The following AWAT2 variants were observed in gnomAD, a reference collection of about 807,000 sequenced individuals.
AWAT2 encodes 11-cis-RE-synthase.
Under a neutral mutation model 22.3 loss-of-function variants are expected in AWAT2, and 9 were observed. The observed-to-expected ratio is 0.40, with a 90% CI of 0.24 to 0.70. The LOEUF (loss-of-function observed/expected upper bound fraction) is 0.70. Ranked by LOEUF, AWAT2 falls within the 30% of genes least tolerant of loss-of-function variation. The pLI, the probability that AWAT2 is intolerant of heterozygous loss-of-function variation, is 0.36. For synonymous variants in AWAT2, 100 were observed against 93.4 expected, an observed-to-expected ratio of 1.07 and a Z score of -0.40; for missense variants, 217 against 265.9, an observed-to-expected ratio of 0.82 and a Z score of 1.28.
intron 6 of AWAT2, 50 bp downstream of exon 6, chrX:70,042,137 G>A (rs753296093): frequency 4.4e-6 from 5 of 1,140,731 alleles, no homozygotes; most frequent in Admixed American, 2.4e-5. Context: ...CAGCCTCAGA[G>A]CTAGATCCTG....
Position 70,042,269 on chromosome X carries a change from G to T in AWAT2, c.765C>A (p.Ile255=). 8.3e-7 allele frequency: 1 copy of T among 1,211,518 alleles called. No individual in the cohort carries two copies. The highest frequency in any genetic ancestry group is 1.1e-6 in the Non-Finnish European group (1 of 895,133). The part of the protein sequence containing the change: ...FQKWFQSMVH[I]YPCAFYGRGF... The stretch of plus-strand genomic sequence containing the variant: ...CACGTCCATAGAAAGCACAAGGGTA[G>T]ATGTGTACCATGCTCTGGAACCACT... The change falls in exon 6 of 8, where the codon ATC becomes ATA. Residue 255 remains isoleucine (I), a synonymous_variant. Transcript: ENST00000276101.
chrX:70,049,406 T>C (rs1336709541), intron 1 of AWAT2, among the ~76,000 whole-genome samples: 2 of 111,568 alleles, frequency 1.8e-5, no homozygotes, highest in Admixed American at 1.9e-4. Flanking sequence ...TTCCTCAGGA[T>C]GAGGTTTCCA....
In AWAT2 at chrX:70,041,869, A is replaced by G. The variant is rs1326999505; in HGVS notation, c.941T>C (p.Leu314Pro). The stretch of plus-strand genomic sequence containing the variant: ...AAACTTGGTCTTATGCTGGTCAAAC[A>G]GTTTACGTAGGGCATCAATATAGAG... ...HTLYIDALRK[L>P]FDQHKTKFGI... The change falls in exon 7 of 8, where the codon CTG (leucine) becomes CCG (proline). Residue 314 changes from leucine to proline, a missense_variant. Coordinates refer to ENST00000276101, the MANE Select transcript of AWAT2 (RefSeq NM_001002254.1). The G allele has an allele frequency of 1.7e-6, 2 of 1,210,601 alleles. No individual in the cohort carries two copies. The highest frequency in any genetic ancestry group is 2.2e-6 in the Non-Finnish European group (2 of 894,571).
In AWAT2 at chrX:70,042,371, A is replaced by C. The variant is rs753594861; in HGVS notation, c.663T>G (p.Pro221=). Residue 221 remains proline, a synonymous_variant, in exon 6 of 8, where the codon CCT becomes CCG. Coordinates refer to ENST00000276101, the MANE Select transcript of AWAT2 (RefSeq NM_001002254.1). ...GGTCCGTCTCCCCAAAGGCATAGGC[A>C]GGTATTAGAGGCACCCTGCAGAGCA... ...MALQHGVPLI[P]AYAFGETDLY... 23 of 1,209,864 alleles carry C rather than the reference A, an allele frequency of 1.9e-5. No individual in the cohort carries two copies. The highest frequency in any genetic ancestry group is 2.5e-5 in the Non-Finnish European group (22 of 894,659).
In AWAT2 at chrX:70,040,883, A is replaced by G. The variant is rs151003736; in HGVS notation, c.*775T>C. 0.031 allele frequency: 3,510 copies of G among 112,178 alleles called. 60 individuals carry two copies. The highest frequency in any genetic ancestry group is 0.049 in the Non-Finnish European group (2,588 of 53,240). 9.2% of individuals were successfully genotyped at this position (112,178 alleles called of 1,213,427 possible). On this transcript the variant is annotated 3_prime_UTR_variant, in exon 8 of 8. Transcript: ENST00000276101. ...TTGCCATTCAGAAGGAGAGTTCTTT[A>G]TGGCTGCTAAAAGCCAGGCGCCTCA... is the stretch of plus-strand genomic sequence containing the variant.
chrX:70,044,256 G>A (rs2020348877), intron 2 of AWAT2, 96 bp downstream of exon 2: 2 of 1,146,909 alleles, frequency 1.7e-6, no homozygotes, highest in Non-Finnish European at 2.3e-6. Context: ...AGGCTAAAGG[G>A]CTGTCTGGGA....
intron 3 of AWAT2, 61 bp from the exon 4 acceptor site, chrX:70,043,743 A>G: frequency 1.8e-6 from 2 of 1,082,768 alleles, no homozygotes; most frequent in Non-Finnish European, 2.5e-6. Context: ...TCTTTTGGGC[A>G]GAGATCTGAA....
intron 1 of AWAT2, among the ~76,000 whole-genome samples, chrX:70,048,602 G>T (rs780430390): frequency 8.0e-5 from 9 of 112,010 alleles, no homozygotes; most frequent in Non-Finnish European, 3.8e-5. Flanking sequence ...TCATAAATGG[G>T]CAGTTAACAG....
At chrX:70,047,579 T>C (rs887443208) in intron 1 of AWAT2, among the ~76,000 whole-genome samples, 14 of 112,120 alleles carry the variant, frequency 1.2e-4, no homozygotes, top group African/African-American at 4.5e-4. Context: ...ACCAAAGACG[T>C]TGCTGAACCT....
intron 4 of AWAT2, 113 bp downstream of exon 4, chrX:70,043,365 G>C: frequency 4.1e-6 from 4 of 985,304 alleles, no homozygotes; most frequent in Non-Finnish European, 5.6e-6. Flanking sequence ...GCCTATGATA[G>C]CTGTTTCACA....
intron 1 of AWAT2, among the ~76,000 whole-genome samples, chrX:70,049,165 G>A (rs1052273931): frequency 1.4e-4 from 16 of 111,506 alleles, no homozygotes; most frequent in Non-Finnish European, 2.3e-4. Flanking sequence ...TGTGCACCAA[G>A]GCCTATCTGC....
In AWAT2 at chrX:70,043,990, C is replaced by T. The variant is rs113438860; in HGVS notation, c.203G>A (p.Arg68His). 1.7e-6 allele frequency: 2 copies of T among 1,192,744 alleles called. No individual in the cohort carries two copies. The highest frequency in any genetic ancestry group is 2.3e-6 in the Non-Finnish European group (2 of 885,641). ...CCAGTGCCTCACACAGGTAAACCGG[C>T]GGCCGCCTGAAAACAGAGGCAATGC... ...FDWKTPQRGG[R>H]RFTCVRHWRL... The change falls in exon 3 of 8, where the codon CGC becomes CAC. Residue 68 changes from arginine to histidine, a missense_variant. Transcript: ENST00000276101.
At position 70,042,245 on chromosome X, in the gene AWAT2, A is replaced by T; in HGVS notation, c.789T>A (p.Arg263=). Residue 263 remains arginine (R), a synonymous_variant, in exon 6 of 8, where the codon CGT becomes CGA. Transcript: ENST00000276101. ...VHIYPCAFYG[R]GFTKNSWGLL... ...GGCCCCAGGAGTTCTTGGTGAAGCCACGTCCATAGAAAGCACAAGGGTAGA... is the reference window on the plus strand; with the variant it reads ...GGCCCCAGGAGTTCTTGGTGAAGCCTCGTCCATAGAAAGCACAAGGGTAGA... 8.3e-7 allele frequency: 1 copy of T among 1,211,516 alleles called. No homozygotes were observed. Among genetic ancestry groups the T allele is most frequent in the South Asian group, 1.8e-5 (1 of 56,881 alleles).
At chrX:70,049,338 C>G (rs1360857151) in intron 1 of AWAT2, among the ~76,000 whole-genome samples, 1 of 112,363 alleles carries the variant, frequency 8.9e-6, no homozygotes, top group African/African-American at 3.2e-5. Context: ...ATAGAAATAA[C>G]TTTCACAAAG....
chrX:70,041,578 T>C lies in AWAT2; in HGVS notation c.*80A>G, dbSNP rs2020327909. 1 of 376,110 alleles carries C rather than the reference T, an allele frequency of 2.7e-6. No individual in the cohort carries two copies. Among genetic ancestry groups the C allele is most frequent in the Non-Finnish European group, 4.5e-6 (1 of 220,801 alleles). 31.0% of individuals were successfully genotyped at this position (376,110 alleles called of 1,213,427 possible). On this transcript the variant is annotated 3_prime_UTR_variant, in exon 8 of 8. Transcript: ENST00000276101. The stretch of plus-strand genomic sequence containing the variant: ...TCTCCCCTAGGCTCTTCCCTGTTTC[T>C]TGGGACTATCTCACCAGTAGCTGCA...
Position 70,043,078 on chromosome X carries a change from A to C in AWAT2, c.638T>G (p.Leu213Arg). ...KNRSGFVRMA[L>R]QHGVPLIPAY... ...CTGGAGCTGTCCTTACCCATGCTGAAGGGCCATGCGCACAAAGCCAGACCG... is the reference window on the plus strand; with the variant it reads ...CTGGAGCTGTCCTTACCCATGCTGACGGGCCATGCGCACAAAGCCAGACCG... The change falls in exon 5 of 8, where the codon CTT becomes CGT. Residue 213 changes from leucine (L) to arginine (R), a missense_variant. Physicochemically the swap from Leu to Arg is moderately radical, Grantham distance 102. Transcript: ENST00000276101. 2 of 1,190,621 alleles carry C rather than the reference A, an allele frequency of 1.7e-6. No individual in the cohort carries two copies. Among genetic ancestry groups the C allele is most frequent in the Non-Finnish European group, 1.1e-6 (1 of 884,990 alleles).
At position 70,042,251 on chromosome X, in the gene AWAT2, A is replaced by G. The variant is rs748142011; in HGVS notation, c.783T>C (p.Tyr261=). 9.1e-6 allele frequency: 11 copies of G among 1,211,860 alleles called. No homozygotes were observed. The highest frequency in any genetic ancestry group is 1.2e-5 in the Non-Finnish European group (11 of 895,449). ...SMVHIYPCAF[Y]GRGFTKNSWG... ...AGGAGTTCTTGGTGAAGCCACGTCC[A>G]TAGAAAGCACAAGGGTAGATGTGTA... The change falls in exon 6 of 8, where the codon TAT becomes TAC. Residue 261 remains tyrosine, a synonymous_variant. Transcript: ENST00000276101.
chrX:70,045,564 C>T (rs2020356768), intron 1 of AWAT2, among the ~76,000 whole-genome samples: 1 of 111,293 alleles, frequency 9.0e-6, no homozygotes, highest in African/African-American at 3.3e-5. Context: ...TCCCTCTCCT[C>T]CCCTACACAA....
chrX:70,044,680 G>C (rs943474115), intron 1 of AWAT2, among the ~76,000 whole-genome samples: 1 of 112,357 alleles, frequency 8.9e-6, no homozygotes, highest in Non-Finnish European at 1.9e-5. Flanking sequence ...TAGAAGGGAA[G>C]GTGTCTTCTT....
Sources: gnomAD v4.1 joint callset for allele counts (sites outside exome capture counted in the v4.1 genomes callset) on GRCh38, gnomAD v4.1.1 for gene constraint, MANE v1.5 for transcripts, NCBI Gene and HGNC (gene_info 2026-07-23, HGNC 2026-07-21) for gene names.